GOLGA2: variants seen among roughly 807,000 people sequenced by gnomAD.
The protein encoded by GOLGA2 is golgin A2.
Under a neutral mutation model 148.8 loss-of-function variants are expected in GOLGA2, and 49 were observed. That is an observed-to-expected ratio of 0.33 (90% CI 0.26 to 0.42). The LOEUF (loss-of-function observed/expected upper bound fraction) is 0.42, where lower values mean the gene tolerates loss of function less well. Ranked by LOEUF, GOLGA2 falls within the 10% of genes least tolerant of loss-of-function variation. The pLI is 1.00. For missense variants in GOLGA2, 1,178 were observed against 1,304.6 expected (o/e 0.90, Z 1.49); for synonymous variants, 501 against 511.8 (o/e 0.98, Z 0.28).
intron 1 of GOLGA2, among the ~76,000 whole-genome samples, chr9:128,274,704 G>C (rs1231086444): frequency 6.6e-6 from 1 of 152,194 alleles, no homozygotes; most frequent in Non-Finnish European, 1.5e-5. Flanking sequence ...AACAGAAAGA[G>C]GACAACCCAA....
chr9:128,259,499 TG>T (rs1012506823), intron 19 of GOLGA2, 108 bp from the exon 20 acceptor site: 2 of 684,848 alleles, frequency 2.9e-6, no homozygotes, highest in African/African-American at 1.8e-5. Flanking sequence ...TCTGGCCCCT[TG>T]CTCCAGGCCT....
intron 7 of GOLGA2, 72 bp downstream of exon 7, chr9:128,267,386 C>T: frequency 6.8e-7 from 1 of 1,478,514 alleles, no homozygotes; most frequent in Non-Finnish European, 9.5e-7. Flanking sequence ...GAGGGGCACC[C>T]AGCCCCCGCT....
In GOLGA2 at chr9:128,266,384, G is replaced by A; in HGVS notation, c.643-59C>T. The A allele has an allele frequency of 6.8e-7, 1 of 1,464,592 alleles. No individual in the cohort carries two copies. The highest frequency in any genetic ancestry group is 9.5e-7 in the Non-Finnish European group (1 of 1,048,586). 90.7% of individuals were successfully genotyped at this position (1,464,592 alleles called of 1,614,324 possible). On this transcript the variant is annotated intron_variant, in intron 8 of 26. Transcript: ENST00000611957. This position sits in a 1 kb window ranked among gnomAD's most constrained non-coding sequence, Gnocchi z 4.2. ...GTGGCCCCCTCAACTCTATTCCCCA[G>A]ACCAGGAACGGGTAGGCAGGGGCCA...
At chr9:128,274,171 C>T (rs1384315336) in intron 1 of GOLGA2, among the ~76,000 whole-genome samples, 199 bp from the exon 2 acceptor site, 5 of 152,152 alleles carry the variant, frequency 3.3e-5, no homozygotes, top group Non-Finnish European at 5.9e-5. Context: ...TGAACTTAAA[C>T]TCAGTCTTCT....
Position 128,256,940 on chromosome 9 carries a change from C to A in GOLGA2, c.*127G>T. 1.4e-6 allele frequency: 1 copy of A among 712,634 alleles called. No homozygotes were observed. Among genetic ancestry groups the A allele is most frequent in the Non-Finnish European group, 2.5e-6 (1 of 407,918 alleles). 44.1% of individuals were successfully genotyped at this position (712,634 alleles called of 1,614,324 possible). On this transcript the variant is annotated 3_prime_UTR_variant, in exon 27 of 27. Coordinates refer to ENST00000611957, the MANE Select transcript of GOLGA2 (RefSeq NM_001366244.2). ...TCACCTCATCTGCACCTGTCTACCC[C>A]CGTTAGACAGGGGTCTATGCTTGCT...
intron 1 of GOLGA2, chr9:128,275,400 G>A: frequency 3.1e-6 from 4 of 1,286,080 alleles, no homozygotes; most frequent in African/African-American, 1.5e-5. Flanking sequence ...CCAAGTCGCC[G>A]CTCCGCGATG....
In GOLGA2 at chr9:128,266,660, GCA is replaced by G; in HGVS notation, c.643-337_643-336del. ...TAATCATTCAACAAACATTTGCTGA[GCA>G]CACACAGGCCAGGTACGGTTCTTAA... On this transcript the variant is annotated intron_variant, in intron 8 of 26. Transcript: ENST00000611957. The surrounding 1 kb of genome is among the most constrained non-coding windows in gnomAD (Gnocchi z 4.2). 2 of 457,196 alleles carry G rather than the reference GCA, an allele frequency of 4.4e-6. No individual in the cohort carries two copies. Among genetic ancestry groups the G allele is most frequent in the South Asian group, 4.8e-5 (2 of 41,248 alleles). 28.3% of individuals were successfully genotyped at this position (457,196 alleles called of 1,614,324 possible).
At chr9:128,267,908 G>A (rs202238004) in intron 6 of GOLGA2, 26 bp downstream of exon 6, 67 of 1,511,220 alleles carry the variant, frequency 4.4e-5, no homozygotes, top group East Asian at 2.0e-4. Context: ...CCCCCACCCC[G>A]CTCTCGGCCT....
chr9:128,260,600 C>G lies in GOLGA2; in HGVS notation c.1623G>C (p.Trp541Cys), dbSNP rs552684735. The stretch of plus-strand genomic sequence containing the variant: ...GCCTGCGCGCCTCCGCCTGCTCCCC[C>G]CAGAGCTCGGCCGCCCGCTCCAGCT... ...LLELERAAELWGEQAEARRQI... is the reference protein window; with the variant it reads ...LLELERAAELCGEQAEARRQI... Residue 541 changes from tryptophan (W) to cysteine (C), a missense_variant, in exon 18 of 27, where the codon TGG becomes TGC. Trp to Cys is a radical substitution (Grantham distance 215). Transcript: ENST00000611957. The surrounding 1 kb of genome is among the most constrained non-coding windows in gnomAD (Gnocchi z 4.8). 20 of 1,611,450 alleles carry G rather than the reference C, an allele frequency of 1.2e-5. No individual in the cohort carries two copies. The highest frequency in any genetic ancestry group is 4.0e-5 in the African/African-American group (3 of 74,936).
chr9:128,259,411 G>T lies in GOLGA2; in HGVS notation c.1873-20C>A, dbSNP rs368066409. On this transcript the variant is annotated intron_variant, in intron 19 of 26. Transcript: ENST00000611957. ...CTCCACCTGTAGGAAGACCCTGGGC[G>T]TGAGGGCAGGTGGTGGCCTGCTTCC... 27 of 1,472,408 alleles carry T rather than the reference G, an allele frequency of 1.8e-5. No individual in the cohort carries two copies. Among genetic ancestry groups the T allele is most frequent in the Non-Finnish European group, 2.5e-5 (27 of 1,076,334 alleles). The allele number at this position is 1,472,408 out of a possible 1,614,324, so 91.2% of individuals were successfully genotyped here. A position where few individuals can be genotyped will look rare whatever the true frequency, so the allele number is the denominator to read the frequency against.
At chr9:128,268,925 C>A (rs1158610909) in intron 3 of GOLGA2, among the ~76,000 whole-genome samples, 1 of 152,172 alleles carries the variant, frequency 6.6e-6, no homozygotes, top group Non-Finnish European at 1.5e-5. Context: ...CCCTACTGGG[C>A]AGAGGATGGT....
intron 19 of GOLGA2, among the ~76,000 whole-genome samples, 171 bp downstream of exon 19, chr9:128,259,905 G>T (rs894215297): frequency 2.0e-5 from 3 of 152,142 alleles, no homozygotes; most frequent in Non-Finnish European, 2.9e-5. Flanking sequence ...GGAGCCCAAA[G>T]CTATCCACCT....
chr9:128,257,970 A>T lies in GOLGA2; in HGVS notation c.2508+10T>A. On this transcript the variant is annotated intron_variant, in intron 23 of 26. Transcript: ENST00000611957. This position sits in a 1 kb window ranked among gnomAD's most constrained non-coding sequence, Gnocchi z 8.0. Reference sequence around the variant, plus strand: ...CCCTTCTTGACCCATGCCAGGAGAGACTCATTCACCTGCAGCTTCTCCATG... The same window carrying T: ...CCCTTCTTGACCCATGCCAGGAGAGTCTCATTCACCTGCAGCTTCTCCATG... The T allele has an allele frequency of 1.3e-6, 2 of 1,599,264 alleles. No individual in the cohort carries two copies. Among genetic ancestry groups the T allele is most frequent in the Non-Finnish European group, 1.7e-6 (2 of 1,170,416 alleles).
chr9:128,265,494 G>T, intron 12 of GOLGA2, 91 bp downstream of exon 12: 1 of 975,896 alleles, frequency 1.0e-6, no homozygotes, highest in Non-Finnish European at 1.7e-6. Flanking sequence ...CTTCTAGGCA[G>T]GACAGTCAAC....
Position 128,266,578 on chromosome 9 carries a change from C to G in GOLGA2, c.643-253G>C. On this transcript the variant is annotated intron_variant, in intron 8 of 26. Coordinates refer to ENST00000611957, the MANE Select transcript of GOLGA2 (RefSeq NM_001366244.2). This position sits in a 1 kb window ranked among gnomAD's most constrained non-coding sequence, Gnocchi z 4.2. ...CTTGAAAGGACAGTAACATAAACCT[C>G]TAGAGATGGAGTGTGAGAAAAGCCC... 1.7e-6 allele frequency: 1 copy of G among 572,402 alleles called. No homozygotes were observed. Among genetic ancestry groups the G allele is most frequent in the Non-Finnish European group, 3.1e-6 (1 of 323,068 alleles). The allele number at this position is 572,402 out of a possible 1,614,324, so 35.5% of individuals were successfully genotyped here. A position where few individuals can be genotyped will look rare whatever the true frequency, so the allele number is the denominator to read the frequency against.
In GOLGA2 at chr9:128,261,527, C is replaced by T; in HGVS notation, c.1259G>A (p.Arg420Lys). ...MESVRQLQME[R>K]DKYAENLKGE... Reference sequence around the variant, plus strand: ...TTTGAGATTCTCCGCATATTTATCTCTCTCCATTTGTAGTTGTCTAACCGA... The same window carrying T: ...TTTGAGATTCTCCGCATATTTATCTTTCTCCATTTGTAGTTGTCTAACCGA... Residue 420 changes from arginine (R) to lysine (K), a missense_variant, in exon 16 of 27, where the codon AGA becomes AAA. Physicochemically the swap from Arg to Lys is conservative, Grantham distance 26 (BLOSUM62 2). This residue lies in a region of GOLGA2 where 304 missense variants were observed against 404.1 expected (regional missense o/e 0.75). Coordinates refer to ENST00000611957, the MANE Select transcript of GOLGA2 (RefSeq NM_001366244.2). The surrounding 1 kb of genome is among the most constrained non-coding windows in gnomAD (Gnocchi z 5.7). 6.2e-7 allele frequency: 1 copy of T among 1,610,198 alleles called. No individual in the cohort carries two copies. Among genetic ancestry groups the T allele is most frequent in the Non-Finnish European group, 8.5e-7 (1 of 1,176,338 alleles).
Position 128,268,544 on chromosome 9 carries a change from G to A in GOLGA2, c.289-20C>T. 1 of 1,408,064 alleles carries A rather than the reference G, an allele frequency of 7.1e-7. No individual in the cohort carries two copies. Among genetic ancestry groups the A allele is most frequent in the Non-Finnish European group, 1.0e-6 (1 of 997,416 alleles). The allele number at this position is 1,408,064 out of a possible 1,614,324, so 87.2% of individuals were successfully genotyped here. On this transcript the variant is annotated intron_variant, in intron 3 of 26. Coordinates refer to ENST00000611957, the MANE Select transcript of GOLGA2 (RefSeq NM_001366244.2). ...GGGTGTCTGTCACAGAACAGAGCAG[G>A]GGGTTAGGGGGCCATGCGGGAGAGG...
chr9:128,262,778 C>G, intron 13 of GOLGA2, 74 bp from the exon 14 acceptor site: 11 of 1,398,466 alleles, frequency 7.9e-6, no homozygotes, highest in Non-Finnish European at 9.9e-6. Context: ...ACCCTCTACC[C>G]TTGCCCCACA....
In GOLGA2 at chr9:128,256,360, T is replaced by G. The variant is rs4734; in HGVS notation, c.*707A>C. 0.16 allele frequency: 23,943 copies of G among 152,370 alleles called. 1,941 individuals carry two copies. Among genetic ancestry groups the G allele is most frequent in the South Asian group, 0.24 (1,174 of 4,822 alleles). The allele number at this position is 152,370 out of a possible 1,614,324, so 9.4% of individuals were successfully genotyped here. A position where few individuals can be genotyped will look rare whatever the true frequency, so the allele number is the denominator to read the frequency against. On this transcript the variant is annotated 3_prime_UTR_variant, in exon 27 of 27. Transcript: ENST00000611957. ...TCCCCCCATTAGACAGGGGTCTTAT[T>G]TGCTACTGTAAGAGTAAAGGGATGA...
Sources: allele counts gnomAD v4.1 joint callset (sites outside exome capture counted in the v4.1 genomes callset), GRCh38; gene constraint gnomAD v4.1.1; regional missense constraint gnomAD v4.1.1; non-coding constraint Gnocchi (gnomAD v3.1); transcripts MANE v1.5; gene names NCBI Gene and HGNC (gene_info 2026-07-23, HGNC 2026-07-21).